VPS50: variants seen among roughly 807,000 people sequenced by gnomAD.
The protein encoded by VPS50 is VPS50 subunit of EARP/GARPII complex.
Under a neutral mutation model 139.7 loss-of-function variants are expected in VPS50, and 70 were observed. The observed-to-expected ratio is 0.50, with a 90% CI of 0.41 to 0.61. The LOEUF (loss-of-function observed/expected upper bound fraction) is 0.61, where lower values mean the gene tolerates loss of function less well. VPS50 is among the 20% of genes least tolerant of loss of function. The pLI, the probability that VPS50 is intolerant of heterozygous loss-of-function variation, is 0.00. For synonymous variants in VPS50, 365 were observed against 376.7 expected (o/e 0.97, Z 0.36); for missense variants, 921 against 1,133.7 (o/e 0.81, Z 2.69).
chr7:93,234,362 G>T (rs1794735388), intron 1 of VPS50, among the ~76,000 whole-genome samples: 2 of 152,144 alleles, frequency 1.3e-5, no homozygotes, highest in African/African-American at 4.8e-5. Flanking sequence ...GTTGCTTATT[G>T]AATTTCAGCA....
chr7:93,240,984 A>G (rs1489137159), intron 2 of VPS50, among the ~76,000 whole-genome samples: 1 of 152,184 alleles, frequency 6.6e-6, no homozygotes, highest in Admixed American at 6.6e-5. Context: ...ATGTAATGTT[A>G]TTAAAAATTA....
chr7:93,342,705 C>T lies in VPS50; in HGVS notation c.2207+1130C>T, dbSNP rs933399671. Among the ~76,000 whole-genome samples, 14 of 152,264 alleles carry T rather than the reference C, an allele frequency of 9.2e-5. No homozygotes were observed. In the Middle Eastern group the frequency reaches 0.01, roughly 112 times the overall value. ...CCCCGAGCAGCCGAACTGGGAGGCA[C>T]CCCCCAGCAGGGGCACACTGACACC... On this transcript the variant is annotated intron_variant, in intron 23 of 27. Transcript: ENST00000305866.
At position 93,259,537 on chromosome 7, in the gene VPS50, T is replaced by G. The variant is rs1482423291; in HGVS notation, c.577-13T>G. 3 of 1,433,790 alleles carry G rather than the reference T, an allele frequency of 2.1e-6. No individual in the cohort carries two copies. Among genetic ancestry groups the G allele is most frequent in the Non-Finnish European group, 2.9e-6 (3 of 1,019,448 alleles). 88.8% of individuals were successfully genotyped at this position (1,433,790 alleles called of 1,614,324 possible). On this transcript the variant is annotated splice_polypyrimidine_tract_variant and intron_variant, in intron 8 of 27. Transcript: ENST00000305866. ...GTTTCTATTCCAATGACTCCTGTTG[T>G]TGTTACCTTAAGGAGGAAGATTATC...
intron 12 of VPS50, among the ~76,000 whole-genome samples, chr7:93,284,644 A>G (rs1796429356): frequency 6.6e-6 from 1 of 152,214 alleles, no homozygotes; most frequent in Non-Finnish European, 1.5e-5. Context: ...GAATCCAGTG[A>G]GTTGCAAGGA....
chr7:93,233,177 T>C (rs1025962102), intron 1 of VPS50, among the ~76,000 whole-genome samples: 1 of 152,220 alleles, frequency 6.6e-6, no homozygotes, highest in Non-Finnish European at 1.5e-5. Context: ...TTGTAACCTG[T>C]CTCATAAATG....
intron 23 of VPS50, among the ~76,000 whole-genome samples, chr7:93,347,084 A>G (rs1798417941): frequency 6.8e-6 from 1 of 147,680 alleles, no homozygotes; most frequent in African/African-American, 2.4e-5. Flanking sequence ...CATCTGACAA[A>G]GGGCTAATAT....
At chr7:93,348,200 T>C (rs1048128308) in intron 23 of VPS50, among the ~76,000 whole-genome samples, 1 of 152,138 alleles carries the variant, frequency 6.6e-6, no homozygotes, top group Admixed American at 6.5e-5. Context: ...GCCCACTGAC[T>C]CCCATTCCTG....
intron 9 of VPS50, among the ~76,000 whole-genome samples, chr7:93,269,090 G>A (rs1795929144): frequency 6.6e-6 from 1 of 152,078 alleles, no homozygotes; most frequent in Non-Finnish European, 1.5e-5. Flanking sequence ...CAGCTCTGAG[G>A]GAGAGAAGAT....
intron 16 of VPS50, among the ~76,000 whole-genome samples, chr7:93,302,293 G>T (rs1469543580): frequency 6.6e-6 from 1 of 150,478 alleles, no homozygotes; most frequent in Non-Finnish European, 1.5e-5. Flanking sequence ...CCAATTGCCT[G>T]CATAATAAAT....
chr7:93,234,733 A>G (rs1413630871), intron 1 of VPS50, among the ~76,000 whole-genome samples: 1 of 152,206 alleles, frequency 6.6e-6, no homozygotes, highest in East Asian at 1.9e-4. Context: ...GAGATAGGAA[A>G]TTAAGGTCTG....
At chr7:93,299,945 G>A (rs1796929324) in intron 16 of VPS50, among the ~76,000 whole-genome samples, 1 of 152,038 alleles carries the variant, frequency 6.6e-6, no homozygotes, top group African/African-American at 2.4e-5. Context: ...TCAAAATATT[G>A]TTTAATAAGT....
chr7:93,291,094 T>G (rs774620324), intron 12 of VPS50, among the ~76,000 whole-genome samples: 1 of 152,092 alleles, frequency 6.6e-6, no homozygotes, highest in Non-Finnish European at 1.5e-5. Context: ...AATGGCAAAT[T>G]GGTTGTTTTT....
At chr7:93,334,002 C>T in intron 21 of VPS50, 115 bp from the exon 22 acceptor site, 1 of 699,518 alleles carries the variant, frequency 1.4e-6, no homozygotes. Flanking sequence ...AATTTGGAAA[C>T]CCTCTGAAGG....
At chr7:93,308,234 T>C (rs1797171541) in intron 18 of VPS50, among the ~76,000 whole-genome samples, 1 of 151,812 alleles carries the variant, frequency 6.6e-6, no homozygotes, top group Non-Finnish European at 1.5e-5. Flanking sequence ...CATGGTGCCA[T>C]AAAGATGATG....
At chr7:93,296,658 A>G (rs1394576679) in intron 14 of VPS50, 84 bp from the exon 15 acceptor site, 2 of 1,521,794 alleles carry the variant, frequency 1.3e-6, no homozygotes, top group East Asian at 4.7e-5. Context: ...TCTCATTTTA[A>G]TCTGGAACTA....
intron 26 of VPS50, among the ~76,000 whole-genome samples, chr7:93,355,114 T>C (rs1173357557): frequency 1.2e-5 from 1 of 80,996 alleles, no homozygotes; most frequent in Non-Finnish European, 2.7e-5. Flanking sequence ...TAAAATACTC[T>C]TTTTTAAAAA....
rs745857016 is a variant in VPS50 at position 93,323,737 on chromosome 7, G to A, written c.1977+5G>A. ...TTTTTTGGTCGGAATGATTCAGTAA[G>A]TCCACCTTTAGAGGGAAAAAAATCT... On this transcript the variant is annotated splice_donor_5th_base_variant and intron_variant, in intron 21 of 27. Coordinates refer to ENST00000305866, the MANE Select transcript of VPS50 (RefSeq NM_017667.4). 1 of 1,398,076 alleles carries A rather than the reference G, an allele frequency of 7.2e-7. No individual in the cohort carries two copies. Among genetic ancestry groups the A allele is most frequent in the Non-Finnish European group, 9.6e-7 (1 of 1,047,076 alleles). The allele number at this position is 1,398,076 out of a possible 1,614,324, so 86.6% of individuals were successfully genotyped here.
chr7:93,350,093 A>G, intron 25 of VPS50, 60 bp downstream of exon 25: 2 of 1,180,118 alleles, frequency 1.7e-6, no homozygotes, highest in Non-Finnish European at 2.4e-6. Context: ...GTGTTCCTTT[A>G]TTGCAGTGGC....
intron 8 of VPS50, among the ~76,000 whole-genome samples, chr7:93,258,792 T>G (rs1795573677): frequency 6.6e-6 from 1 of 152,080 alleles, no homozygotes; most frequent in Non-Finnish European, 1.5e-5. Flanking sequence ...CTTTGATGCA[T>G]TCTTAGCATT....
Sources: allele counts gnomAD v4.1 joint callset (sites outside exome capture counted in the v4.1 genomes callset), GRCh38; gene constraint gnomAD v4.1.1; transcripts MANE v1.5; gene names NCBI Gene and HGNC (gene_info 2026-07-23, HGNC 2026-07-21).